IGSF21: variants seen among roughly 807,000 people sequenced by gnomAD.
IGSF21 encodes the protein immunoglobulin superfamily member 21.
Under a neutral mutation model 46.8 loss-of-function variants are expected in IGSF21, and 28 were observed. The ratio of observed to expected loss-of-function variants is 0.60; its 90% CI spans 0.44 to 0.82. The LOEUF (loss-of-function observed/expected upper bound fraction) is 0.82. Ranked by LOEUF, IGSF21 falls within the 40% of genes least tolerant of loss-of-function variation. IGSF21 has a pLI of 0.00. For missense variants in IGSF21, 624 were observed against 665.5 expected (o/e 0.94, Z 0.69); for synonymous variants, 284 against 273.6 (o/e 1.04, Z -0.38).
At chr1:18,220,644 A>T (rs1432078155) in intron 1 of IGSF21, among the ~76,000 whole-genome samples, 1 of 152,096 alleles carries the variant, frequency 6.6e-6, no homozygotes. Flanking sequence ...CGGTGTCCCA[A>T]GCAGTAGGAG....
Position 18,108,117 on chromosome 1 carries a change from C to A in IGSF21, c.-12C>A. 7.5e-7 allele frequency: 1 copy of A among 1,327,880 alleles called. No individual in the cohort carries two copies. The highest frequency in any genetic ancestry group is 1.5e-5 in the South Asian group (1 of 66,028). 82.3% of individuals were successfully genotyped at this position (1,327,880 alleles called of 1,614,324 possible). ...CCCGCCGCCCCGCCACCGCCGCCAG[C>A]TCCCGGGCACCATGCGAACCGCCCC... is the stretch of plus-strand genomic sequence containing the variant. On this transcript the variant is annotated 5_prime_UTR_variant, in exon 1 of 10. Coordinates refer to ENST00000251296, the MANE Select transcript of IGSF21 (RefSeq NM_032880.5).
At chr1:18,219,667 C>G (rs905379352) in intron 1 of IGSF21, among the ~76,000 whole-genome samples, 6 of 152,172 alleles carry the variant, frequency 3.9e-5, no homozygotes, top group Non-Finnish European at 8.8e-5. Context: ...GTGCTCTGAG[C>G]TCCCTGATTG....
chr1:18,221,633 G>A (rs951925312), intron 1 of IGSF21, among the ~76,000 whole-genome samples: 2 of 152,192 alleles, frequency 1.3e-5, no homozygotes, highest in Non-Finnish European at 2.9e-5. Flanking sequence ...AACGCTGTCA[G>A]AGATAGAGGG....
chr1:18,367,603 C>CTTTTTTTTTTTTTTTTTTTTTT (rs35019096), intron 6 of IGSF21, among the ~76,000 whole-genome samples: 4 of 73,952 alleles, frequency 5.4e-5, no homozygotes, highest in South Asian at 6.0e-4. Context: ...CTCTCTCTCT[C>CTTTTTTTTTTTTTTTTTTTTTT]TTTTTTTTTT....
At chr1:18,205,674 C>G (rs545210768) in intron 1 of IGSF21, among the ~76,000 whole-genome samples, 4 of 152,264 alleles carry the variant, frequency 2.6e-5, no homozygotes, top group Non-Finnish European at 5.9e-5. Flanking sequence ...TGGAGTCTGT[C>G]TTGAACTGGG....
chr1:18,351,561 G>A (rs1485382745), intron 4 of IGSF21, among the ~76,000 whole-genome samples: 3 of 152,212 alleles, frequency 2.0e-5, no homozygotes, highest in Non-Finnish European at 4.4e-5. Flanking sequence ...TCTCTGGGGG[G>A]AGGACGGACG....
intron 2 of IGSF21, among the ~76,000 whole-genome samples, chr1:18,246,393 C>T (rs150815969): frequency 1.4e-3 from 211 of 152,220 alleles, no homozygotes; most frequent in African/African-American, 4.9e-3. Context: ...CTCTTCCCAG[C>T]ATCTGACAGC....
intron 4 of IGSF21, among the ~76,000 whole-genome samples, chr1:18,359,383 A>AAGGAAGGAAGG (rs2086064838): frequency 1.1e-4 from 7 of 61,104 alleles, no homozygotes; most frequent in East Asian, 9.3e-4. Context: ...AGAAAGAAAG[A>AAGGAAGGAAGG]AAGGAAGGAA....
intron 1 of IGSF21, among the ~76,000 whole-genome samples, chr1:18,205,179 AGAG>A (rs1219984939): frequency 2.0e-5 from 3 of 151,904 alleles, no homozygotes; most frequent in Non-Finnish European, 2.9e-5. Context: ...GGGAGAGGAG[AGAG>A]GAGGAGAGAG....
chr1:18,289,922 A>G (rs1364048977), intron 2 of IGSF21, among the ~76,000 whole-genome samples: 1 of 152,152 alleles, frequency 6.6e-6, no homozygotes, highest in Admixed American at 6.6e-5. Context: ...AAGAGGGTGC[A>G]TGGAGAATGG....
At chr1:18,319,478 ATTGT>A (rs1359211279) in intron 3 of IGSF21, among the ~76,000 whole-genome samples, 2 of 151,962 alleles carry the variant, frequency 1.3e-5, no homozygotes, top group Non-Finnish European at 2.9e-5. Flanking sequence ...TAGCTGCTGA[ATTGT>A]TTAACTTCTT....
At chr1:18,375,010 G>A (rs2086266465) in intron 6 of IGSF21, among the ~76,000 whole-genome samples, 1 of 152,046 alleles carries the variant, frequency 6.6e-6, no homozygotes, top group Non-Finnish European at 1.5e-5. Context: ...GCTGTTCCCT[G>A]TGCCTGGAAT....
chr1:18,329,524 C>T (rs2085692036), intron 3 of IGSF21, among the ~76,000 whole-genome samples: 1 of 152,168 alleles, frequency 6.6e-6, no homozygotes, highest in Non-Finnish European at 1.5e-5. Context: ...AGGCTTCCCT[C>T]CTTGCCTGGG....
intron 6 of IGSF21, among the ~76,000 whole-genome samples, chr1:18,375,140 A>G (rs1041430057): frequency 7.2e-5 from 11 of 152,186 alleles, no homozygotes; most frequent in African/African-American, 2.7e-4. Flanking sequence ...AGTGATCTGC[A>G]TGGAGCACTG....
chr1:18,270,055 C>G (rs2085027991), intron 2 of IGSF21, among the ~76,000 whole-genome samples: 1 of 152,186 alleles, frequency 6.6e-6, no homozygotes, highest in African/African-American at 2.4e-5. Flanking sequence ...TCTCAAGGAC[C>G]CCGGGCCCCA....
chr1:18,125,031 G>A (rs188411202), intron 1 of IGSF21, among the ~76,000 whole-genome samples: 1 of 152,212 alleles, frequency 6.6e-6, no homozygotes, highest in East Asian at 1.9e-4. Context: ...TGGCCTCAGA[G>A]AGAAACTACT....
intron 2 of IGSF21, among the ~76,000 whole-genome samples, chr1:18,236,619 A>T (rs774067013): frequency 1.3e-5 from 2 of 152,192 alleles, no homozygotes; most frequent in Non-Finnish European, 2.9e-5. Flanking sequence ...CAGAGAATGG[A>T]TGGTACCCAG....
intron 2 of IGSF21, among the ~76,000 whole-genome samples, chr1:18,291,080 T>G (rs2085261344): frequency 1.3e-5 from 2 of 152,194 alleles, no homozygotes; most frequent in Non-Finnish European, 2.9e-5. Flanking sequence ...AGTAACACTT[T>G]CATTAGCTGG....
intron 1 of IGSF21, among the ~76,000 whole-genome samples, chr1:18,184,696 G>A (rs1190758071): frequency 6.6e-6 from 1 of 152,074 alleles, no homozygotes; most frequent in Admixed American, 6.5e-5. Flanking sequence ...TTACCTGTGT[G>A]TTTCCTGAAG....
Sources: allele counts gnomAD v4.1 joint callset (sites outside exome capture counted in the v4.1 genomes callset), GRCh38; gene constraint gnomAD v4.1.1; transcripts MANE v1.5; gene names NCBI Gene and HGNC (gene_info 2026-07-23, HGNC 2026-07-21).